DHTKD1: variants seen among roughly 807,000 people sequenced by gnomAD.
The protein encoded by DHTKD1 is 2-oxoadipate dehydrogenase complex component E1.
Under a neutral mutation model 101.8 loss-of-function variants are expected in DHTKD1, and 78 were observed. The observed-to-expected ratio is 0.77, with a 90% confidence interval of 0.64 to 0.93. The LOEUF (loss-of-function observed/expected upper bound fraction) is 0.93. Ranked by LOEUF, DHTKD1 falls within the 40% of genes least tolerant of loss-of-function variation. DHTKD1 has a pLI of 0.00. For synonymous variants in DHTKD1, 462 were observed against 450.3 expected, an observed-to-expected ratio of 1.03 and a Z score of -0.33; for missense variants, 1,223 against 1,161.7, an observed-to-expected ratio of 1.05 and a Z score of -0.77.
At position 12,069,023 on chromosome 10, in the gene DHTKD1, A is replaced by G; in HGVS notation, c.-11A>G. ...CCCGCCTTAGCATGCTGGCCGGGAC[A>G]TCTGGTGAACATGGCCTCTGCTACT... On this transcript the variant is annotated 5_prime_UTR_variant, in exon 1 of 17. Transcript: ENST00000263035. The G allele has an allele frequency of 1.2e-6, 2 of 1,613,062 alleles. No individual in the cohort carries two copies. Among genetic ancestry groups the G allele is most frequent in the South Asian group, 2.2e-5 (2 of 91,042 alleles).
At chr10:12,091,714 C>G in intron 6 of DHTKD1, 30 bp downstream of exon 6, 1 of 1,601,934 alleles carries the variant, frequency 6.2e-7, no homozygotes. Context: ...ACTGATATTG[C>G]TGAAGCCGAC....
rs191318034 is a variant in DHTKD1 at position 12,072,559 on chromosome 10, C to T, written c.154+3372C>T. Among the ~76,000 whole-genome samples the T allele has an allele frequency of 5.3e-4, 80 of 152,198 alleles. 1 individual carries two copies. The highest frequency in any genetic ancestry group is 6.8e-3 in the Middle Eastern group (2 of 294). ...TTGCCTCTAGTAACCTTTTGGATGG[C>T]AGTGGTTTCACTAGTTACAATTTGA... On this transcript the variant is annotated intron_variant, in intron 1 of 16. Coordinates refer to ENST00000263035, the MANE Select transcript of DHTKD1 (RefSeq NM_018706.7).
At position 12,089,233 on chromosome 10, in the gene DHTKD1, G is replaced by C. The variant is rs200814440; in HGVS notation, c.965G>C (p.Gly322Ala). ...DYSPDNSAQP[G>A]DRVICLQVHG... The stretch of plus-strand genomic sequence containing the variant: ...TCTCCAGACAACTCAGCCCAGCCGG[G>C]GGACAGGGTCATTTGCTTACAGGTA... The change falls in exon 5 of 17, where the codon GGG becomes GCG. Residue 322 changes from glycine (G) to alanine (A), a missense_variant. Gly to Ala is a moderately conservative substitution (Grantham distance 60). Transcript: ENST00000263035. 2.5e-6 allele frequency: 4 copies of C among 1,613,954 alleles called. No homozygotes were observed. The highest frequency in any genetic ancestry group is 2.7e-5 in the African/African-American group (2 of 74,932).
Position 12,088,995 on chromosome 10 carries a change from C to A in DHTKD1, c.727C>A (p.Arg243Ser). 1 of 1,613,212 alleles carries A rather than the reference C, an allele frequency of 6.2e-7. No individual in the cohort carries two copies. Among genetic ancestry groups the A allele is most frequent in the Non-Finnish European group, 8.5e-7 (1 of 1,179,326 alleles). ...AATGTATCCACAATAGCTGATGTTCCGTAAAATGCGAGGCTTAAGTGAATT... is the reference window on the plus strand; with the variant it reads ...AATGTATCCACAATAGCTGATGTTCAGTAAAATGCGAGGCTTAAGTGAATT... The part of the protein sequence containing the change: ...LLQFPPELMF[R>S]KMRGLSEFPE... Residue 243 changes from arginine to serine, a missense_variant, in exon 5 of 17, where the codon CGT becomes AGT. Physicochemically the swap from Arg to Ser is moderately radical, Grantham distance 110. Transcript: ENST00000263035.
intron 10 of DHTKD1, among the ~76,000 whole-genome samples, chr10:12,105,022 G>A (rs1833222323): frequency 6.6e-6 from 1 of 151,880 alleles, no homozygotes; most frequent in Non-Finnish European, 1.5e-5. Flanking sequence ...ACCATGCTCA[G>A]CTAATTTTTG....
At chr10:12,109,493 G>A (rs1588616809) in intron 12 of DHTKD1, among the ~76,000 whole-genome samples, 1 of 151,182 alleles carries the variant, frequency 6.6e-6, no homozygotes, top group Admixed American at 6.7e-5. Context: ...TCATGAGTCT[G>A]GAAGAAGTCA....
rs1428566227 is a variant in DHTKD1, at chr10:12,122,293, T to C, written c.*1405T>C. On this transcript the variant is annotated 3_prime_UTR_variant, in exon 17 of 17. Coordinates refer to ENST00000263035, the MANE Select transcript of DHTKD1 (RefSeq NM_018706.7). ...AATCAGTCTTGTCCCTACAAGTCCC[T>C]GATGCAGTATGTTTATTTGTGATGT... The C allele has an allele frequency of 6.6e-6, 1 of 152,242 alleles. No homozygotes were observed. Among genetic ancestry groups the C allele is most frequent in the East Asian group, 1.9e-4 (1 of 5,202 alleles). 9.4% of individuals were successfully genotyped at this position (152,242 alleles called of 1,614,324 possible). A position where few individuals can be genotyped will look rare whatever the true frequency, so the allele number is the denominator to read the frequency against.
chr10:12,093,425 A>G (rs751584042), intron 6 of DHTKD1, among the ~76,000 whole-genome samples: 4 of 152,172 alleles, frequency 2.6e-5, no homozygotes, highest in Non-Finnish European at 5.9e-5. Flanking sequence ...GTCTTGTGTG[A>G]TCCCTCTTCA....
At chr10:12,077,258 A>G (rs959864515) in intron 1 of DHTKD1, among the ~76,000 whole-genome samples, 3 of 148,354 alleles carry the variant, frequency 2.0e-5, no homozygotes, top group Non-Finnish European at 4.5e-5. Context: ...ATGGAGTTTC[A>G]TGCTTGTCAC....
At position 12,081,637 on chromosome 10, in the gene DHTKD1, C is replaced by G. The variant is rs1246028925; in HGVS notation, c.310+10C>G. 6.2e-7 allele frequency: 1 copy of G among 1,613,908 alleles called. No individual in the cohort carries two copies. The highest frequency in any genetic ancestry group is 8.5e-7 in the Non-Finnish European group (1 of 1,179,982). On this transcript the variant is annotated intron_variant, in intron 2 of 16. Coordinates refer to ENST00000263035, the MANE Select transcript of DHTKD1 (RefSeq NM_018706.7). ...CCCTTCCACACGGCAGGTATGGCTT[C>G]TGCACAGCAGGCGGGAGCTCGGAGC...
At chr10:12,082,038 G>A (rs529105077) in intron 2 of DHTKD1, among the ~76,000 whole-genome samples, 166 of 151,894 alleles carry the variant, frequency 1.1e-3, no homozygotes, top group Non-Finnish European at 2.1e-3. Flanking sequence ...GAGATGGGAG[G>A]ATTGCTTGAA....
chr10:12,076,603 C>T (rs1179922203), intron 1 of DHTKD1, among the ~76,000 whole-genome samples: 1 of 152,154 alleles, frequency 6.6e-6, no homozygotes, highest in Non-Finnish European at 1.5e-5. Flanking sequence ...GAGGCTGAGG[C>T]AGGAGGATCT....
At position 12,069,138 on chromosome 10, in the gene DHTKD1, G is replaced by T. The variant is rs1422940375; in HGVS notation, c.105G>T (p.Pro35=). The T allele has an allele frequency of 6.3e-7, 1 of 1,582,756 alleles. No homozygotes were observed. Among genetic ancestry groups the T allele is most frequent in the East Asian group, 2.3e-5 (1 of 42,970 alleles). The change falls in exon 1 of 17, where the codon CCG becomes CCT. Residue 35 remains proline (P), a synonymous_variant. Transcript: ENST00000263035. ...QTERGVYGYR[P]RKPESREPQG... ...AGCGGGGCGTTTACGGCTACCGGCC[G>T]AGGAAGCCCGAGAGCCGCGAGCCCC...
rs747352872 is a variant in DHTKD1, at chr10:12,087,759, C to A, written c.717+30C>A. 28 of 1,527,486 alleles carry A rather than the reference C, an allele frequency of 1.8e-5. 1 individual carries two copies. The Admixed American group carries it at 4.3e-4, about 24-fold the overall frequency. 94.6% of individuals were successfully genotyped at this position (1,527,486 alleles called of 1,614,324 possible). On this transcript the variant is annotated intron_variant, in intron 4 of 16. Transcript: ENST00000263035. The surrounding 1 kb of genome is among the most constrained non-coding windows in gnomAD (Gnocchi z 5.2). ...GGTTACTCGCTGTGTTTCTCAGTAG[C>A]ACTATATGATTGATTGTAACAGAAT...
At position 12,112,924 on chromosome 10, in the gene DHTKD1, G is replaced by T. The variant is rs1459172578; in HGVS notation, c.2179G>T (p.Val727Leu). Residue 727 changes from valine to leucine, a missense_variant, in exon 13 of 17, where the codon GTG becomes TTG. By Grantham distance (32) the Val-to-Leu change is conservative. Transcript: ENST00000263035. ...LQMCDSAEEG[V>L]DGDTVNMFVV... ...GATGTGTGACAGTGCGGAAGAGGGG[G>T]TGGACGGAGACACTGTGAACATGTT... The T allele has an allele frequency of 6.2e-7, 1 of 1,610,200 alleles. No individual in the cohort carries two copies. Among genetic ancestry groups the T allele is most frequent in the African/African-American group, 1.3e-5 (1 of 74,842 alleles).
chr10:12,097,829 G>T lies in DHTKD1; in HGVS notation c.1504G>T (p.Ala502Ser). 6.2e-7 allele frequency: 1 copy of T among 1,614,208 alleles called. No individual in the cohort carries two copies. Reference protein sequence around the residue: ...LNNMAHYRPPALNLQAHWQGL... With the variant: ...LNNMAHYRPPSLNLQAHWQGL... The stretch of plus-strand genomic sequence containing the variant: ...TAACATGGCCCACTACAGGCCCCCT[G>T]CCCTGAACCTGCAGGCCCACTGGCA... The change falls in exon 8 of 17, where the codon GCC becomes TCC. Residue 502 changes from alanine (A) to serine (S), a missense_variant. By Grantham distance (99) the Ala-to-Ser change is moderately conservative. Coordinates refer to ENST00000263035, the MANE Select transcript of DHTKD1 (RefSeq NM_018706.7).
chr10:12,119,562 G>A (rs529934440), intron 15 of DHTKD1, among the ~76,000 whole-genome samples: 1 of 148,224 alleles, frequency 6.7e-6, no homozygotes, highest in Non-Finnish European at 1.5e-5. Flanking sequence ...CTTGCAGTGA[G>A]CCGAGATTGC....
chr10:12,078,749 G>A (rs992345368), intron 1 of DHTKD1, among the ~76,000 whole-genome samples: 3 of 151,912 alleles, frequency 2.0e-5, no homozygotes, highest in African/African-American at 4.8e-5. Flanking sequence ...GCACCATCTC[G>A]GCTCACTGCA....
intron 7 of DHTKD1, among the ~76,000 whole-genome samples, chr10:12,094,491 G>A (rs147769133): frequency 0.024 from 3,648 of 151,744 alleles, 138 homozygotes; most frequent in African/African-American, 0.083. Flanking sequence ...GTGTGCCACC[G>A]TGCCTGGCTA....
Sources: gnomAD v4.1 joint callset for allele counts (sites outside exome capture counted in the v4.1 genomes callset) on GRCh38, gnomAD v4.1.1 for gene constraint, Gnocchi (gnomAD v3.1) non-coding constraint, MANE v1.5 for transcripts, NCBI Gene and HGNC (gene_info 2026-07-23, HGNC 2026-07-21) for gene names.